Variants in DLG2 observed in about 807,000 individuals in gnomAD.
The protein encoded by DLG2 is disks large homolog 2.
In DLG2, 45 loss-of-function variants were observed where a neutral mutation model predicts 132.5. The observed-to-expected ratio is 0.34, with a 90% confidence interval of 0.27 to 0.44. The LOEUF (loss-of-function observed/expected upper bound fraction) is 0.44. Among genes scored for constraint, DLG2 ranks in the 20% least tolerant of loss-of-function variants. The pLI, the probability that DLG2 is intolerant of heterozygous loss-of-function variation, is 1.00. For synonymous variants in DLG2, 424 were observed against 419.6 expected (o/e 1.01, Z -0.13); for missense variants, 1,045 against 1,196.9 (o/e 0.87, Z 1.87).
intron 3 of DLG2, among the ~76,000 whole-genome samples, chr11:85,462,314 G>A (rs1312966530): frequency 6.6e-6 from 1 of 152,140 alleles, no homozygotes; most frequent in Admixed American, 6.5e-5. Flanking sequence ...TATACCCAAA[G>A]GATTATAAAT....
At chr11:84,189,346 G>A (rs1047833434) in intron 8 of DLG2, among the ~76,000 whole-genome samples, 4 of 152,112 alleles carry the variant, frequency 2.6e-5, no homozygotes, top group Admixed American at 2.6e-4. Context: ...GCAATGTTGT[G>A]GAGAAAAAGG....
chr11:85,066,613 C>G (rs1477952419), intron 6 of DLG2, among the ~76,000 whole-genome samples: 5 of 151,560 alleles, frequency 3.3e-5, no homozygotes, highest in Admixed American at 3.3e-4. Context: ...TGGGTTTTAT[C>G]CAGGGATGTA....
rs1259072783 is a variant in DLG2 at position 85,121,913 on chromosome 11, TAC to T, written c.283-10180_283-10179del. Among the ~76,000 whole-genome samples the T allele has an allele frequency of 2.0e-5, 3 of 152,304 alleles. 1 individual carries two copies. The highest frequency in any genetic ancestry group is 4.1e-4 in the South Asian group (2 of 4,830). ...GTATATGTGCACATGAGTCTATATA[TAC>T]ACACACAGAAGTACATGGATATCTA... On this transcript the variant is annotated intron_variant, in intron 5 of 27. Transcript: ENST00000376104.
Position 84,763,114 on chromosome 11 carries a change from A to G in DLG2, c.358-228383T>C, listed in dbSNP as rs1597538829. On this transcript the variant is annotated intron_variant, in intron 6 of 27. Coordinates refer to ENST00000376104, the MANE Select transcript of DLG2 (RefSeq NM_001142699.3). ...AACTCCTATGCAACTTTCAGGACAGAGTCCGTATCTGTCTATTCACTGCCA... is the reference window on the plus strand; with the variant it reads ...AACTCCTATGCAACTTTCAGGACAGGGTCCGTATCTGTCTATTCACTGCCA... Among the ~76,000 whole-genome samples the G allele has an allele frequency of 2.0e-5, 3 of 152,348 alleles. No individual in the cohort carries two copies. In the South Asian group the frequency reaches 6.2e-4, roughly 32 times the overall value.
intron 3 of DLG2, among the ~76,000 whole-genome samples, chr11:85,354,547 T>C (rs1278928132): frequency 6.6e-6 from 1 of 152,046 alleles, no homozygotes; most frequent in Non-Finnish European, 1.5e-5. Flanking sequence ...AAGGAGCCAA[T>C]ACATTTTTTT....
intron 2 of DLG2, among the ~76,000 whole-genome samples, chr11:85,603,664 C>A (rs556913569): frequency 6.7e-6 from 1 of 148,888 alleles, no homozygotes; most frequent in Non-Finnish European, 1.5e-5. Flanking sequence ...ACCTATAATT[C>A]CAGCACTTTG....
chr11:84,320,847 T>C (rs976195829), intron 7 of DLG2, among the ~76,000 whole-genome samples: 2 of 152,112 alleles, frequency 1.3e-5, no homozygotes, highest in Non-Finnish European at 2.9e-5. Context: ...TGAGTGTTGA[T>C]GGGGAAGGGG....
chr11:84,679,797 A>C (rs2099724119), intron 6 of DLG2, among the ~76,000 whole-genome samples: 1 of 152,224 alleles, frequency 6.6e-6, no homozygotes, highest in Admixed American at 6.5e-5. Flanking sequence ...AAGTTGTAGA[A>C]CCAGGATTGG....
In DLG2 at chr11:85,264,802, A is replaced by G. The variant is rs935050781; in HGVS notation, c.186+20418T>C. On this transcript the variant is annotated intron_variant, in intron 4 of 27. Coordinates refer to ENST00000376104, the MANE Select transcript of DLG2 (RefSeq NM_001142699.3). ...GCAAGAAACATTTCTTTCAGGTCTC[A>G]TGGATGTAGCTTCCCAACAGTCAAC... is the stretch of plus-strand genomic sequence containing the variant. Among the ~76,000 whole-genome samples, 7 of 152,304 alleles carry G rather than the reference A, an allele frequency of 4.6e-5. No homozygotes were observed. In the East Asian group the frequency reaches 1.4e-3, roughly 29 times the overall value.
chr11:84,394,660 G>T (rs1482220209), intron 7 of DLG2, among the ~76,000 whole-genome samples: 1 of 150,716 alleles, frequency 6.6e-6, no homozygotes, highest in East Asian at 1.9e-4. Context: ...ATGGAGTCTT[G>T]CTCTGTCACC....
At chr11:84,379,455 G>A (rs1256681744) in intron 7 of DLG2, among the ~76,000 whole-genome samples, 2 of 152,032 alleles carry the variant, frequency 1.3e-5, no homozygotes, top group Non-Finnish European at 1.5e-5. Context: ...ACCAGGGAGT[G>A]AAAACTAGAT....
At chr11:83,921,124 C>T (rs990188030) in intron 15 of DLG2, among the ~76,000 whole-genome samples, 3 of 152,076 alleles carry the variant, frequency 2.0e-5, no homozygotes, top group Non-Finnish European at 4.4e-5. Flanking sequence ...ATAATAATAA[C>T]ACATACCTCC....
chr11:84,492,322 TC>T (rs113885201), intron 7 of DLG2, among the ~76,000 whole-genome samples: 75 of 152,300 alleles, frequency 4.9e-4, no homozygotes, highest in African/African-American at 1.8e-3. Flanking sequence ...AAGACAAGCT[TC>T]TAATCAGTCC....
intron 4 of DLG2, among the ~76,000 whole-genome samples, 194 bp downstream of exon 4, chr11:85,285,026 A>G (rs780681606): frequency 6.6e-6 from 1 of 151,974 alleles, no homozygotes; most frequent in Non-Finnish European, 1.5e-5. Flanking sequence ...ATAAAGAATC[A>G]TATCATTCCC....
intron 16 of DLG2, among the ~76,000 whole-genome samples, chr11:83,858,389 A>C (rs2060896559): frequency 6.6e-6 from 1 of 152,178 alleles, no homozygotes; most frequent in East Asian, 1.9e-4. Context: ...TGGCAAAATA[A>C]GTCAAAAGGC....
chr11:84,583,256 T>C (rs1038582323), intron 6 of DLG2, among the ~76,000 whole-genome samples: 1 of 152,178 alleles, frequency 6.6e-6, no homozygotes, highest in Non-Finnish European at 1.5e-5. Flanking sequence ...TATAAGCATT[T>C]TCTTCTAATT....
chr11:84,547,376 C>T (rs1486894173), intron 6 of DLG2, among the ~76,000 whole-genome samples: 1 of 152,166 alleles, frequency 6.6e-6, no homozygotes, highest in African/African-American at 2.4e-5. Context: ...CCTAGTCTCA[C>T]AAAGTACACT....
intron 6 of DLG2, among the ~76,000 whole-genome samples, chr11:84,783,482 C>G (rs1157258128): frequency 3.3e-5 from 5 of 152,188 alleles, no homozygotes; most frequent in Non-Finnish European, 5.9e-5. Flanking sequence ...CAAGGTTCAA[C>G]TTATGTACTT....
chr11:84,658,251 C>T (rs2099690531), intron 6 of DLG2, among the ~76,000 whole-genome samples: 1 of 151,936 alleles, frequency 6.6e-6, no homozygotes, highest in African/African-American at 2.4e-5. Flanking sequence ...ATCGTGGGTC[C>T]CTGATTATCA....
Sources: allele counts gnomAD v4.1 joint callset (sites outside exome capture counted in the v4.1 genomes callset), GRCh38; gene constraint gnomAD v4.1.1; transcripts MANE v1.5; gene names NCBI Gene and HGNC (gene_info 2026-07-23, HGNC 2026-07-21).